The following AFG2A variants were observed in gnomAD, a reference collection of about 807,000 sequenced individuals.
AFG2A encodes ATPase family gene 2 protein homolog A.
the AFG2A span, among the ~76,000 whole-genome samples, chr4:123,124,592 CA>C: frequency 1.3e-5 from 2 of 152,048 alleles, no homozygotes; most frequent in African/African-American, 4.8e-5. Context: ...ACATGTGTAA[CA>C]AACCTGCACG....
the AFG2A span, among the ~76,000 whole-genome samples, chr4:122,995,141 T>G: frequency 6.6e-6 from 1 of 152,180 alleles, no homozygotes; most frequent in Non-Finnish European, 1.5e-5. Context: ...GTTTTTATTC[T>G]TTAAATACAG....
chr4:122,933,369 A>G, the AFG2A span: 2 of 1,199,324 alleles, frequency 1.7e-6, no homozygotes, highest in Admixed American at 2.0e-5. Flanking sequence ...ATATACATGT[A>G]ATTTTACATC....
At chr4:123,095,676 A>G in the AFG2A span, among the ~76,000 whole-genome samples, 1 of 148,404 alleles carries the variant, frequency 6.7e-6, no homozygotes, top group African/African-American at 2.5e-5. Flanking sequence ...ACGAAGAGTT[A>G]AAGTACATTT....
chr4:123,104,612 G>C, the AFG2A span, among the ~76,000 whole-genome samples: 1 of 152,194 alleles, frequency 6.6e-6, no homozygotes, highest in Non-Finnish European at 1.5e-5. Flanking sequence ...AAATGCTAAG[G>C]AAAAGTTCTT....
At chr4:123,172,249 A>T in the AFG2A span, among the ~76,000 whole-genome samples, 19 of 152,358 alleles carry the variant, frequency 1.2e-4, no homozygotes, top group East Asian at 2.5e-3. Context: ...GTGTGTCAGC[A>T]TTCATCCTAA....
At chr4:122,996,480 A>G in the AFG2A span, among the ~76,000 whole-genome samples, 3 of 152,088 alleles carry the variant, frequency 2.0e-5, no homozygotes, top group Non-Finnish European at 4.4e-5. Context: ...AAGAGAAACA[A>G]CCAATGGGAT....
At chr4:123,267,004 A>C in the AFG2A span, among the ~76,000 whole-genome samples, 1 of 152,018 alleles carries the variant, frequency 6.6e-6, no homozygotes, top group Non-Finnish European at 1.5e-5. Flanking sequence ...AATGCTGAGG[A>C]CAGTAGCACC....
At chr4:123,231,898 G>A in the AFG2A span, among the ~76,000 whole-genome samples, 1 of 151,926 alleles carries the variant, frequency 6.6e-6, no homozygotes, top group Non-Finnish European at 1.5e-5. Flanking sequence ...TGTCAGTTAA[G>A]TTTACCATCT....
the AFG2A span, among the ~76,000 whole-genome samples, chr4:122,942,437 T>C: frequency 1.3e-5 from 2 of 151,448 alleles, no homozygotes; most frequent in Non-Finnish European, 2.9e-5. Flanking sequence ...GTTTGTAGTA[T>C]TCTCTGATGG....
the AFG2A span, among the ~76,000 whole-genome samples, chr4:122,965,759 T>A: frequency 3.9e-5 from 6 of 152,332 alleles, no homozygotes; most frequent in Non-Finnish European, 8.8e-5. Flanking sequence ...TGTGTCCATT[T>A]GTTCTTCTAG....
At chr4:123,142,615 A>G in the AFG2A span, among the ~76,000 whole-genome samples, 3 of 151,942 alleles carry the variant, frequency 2.0e-5, no homozygotes, top group Non-Finnish European at 4.4e-5. Flanking sequence ...GTAATCTGTC[A>G]TAGACTTCAC....
the AFG2A span, among the ~76,000 whole-genome samples, chr4:123,270,731 G>C: frequency 1.3e-5 from 2 of 152,090 alleles, no homozygotes; most frequent in Non-Finnish European, 2.9e-5. Context: ...TTGAAACCTT[G>C]AGCAAGTGCC....
At chr4:123,003,462 G>C in the AFG2A span, among the ~76,000 whole-genome samples, 2 of 152,122 alleles carry the variant, frequency 1.3e-5, no homozygotes, top group African/African-American at 4.8e-5. Context: ...TTTGATGATG[G>C]TGATGTACAG....
the AFG2A span, chr4:122,923,344 C>T: frequency 6.2e-7 from 1 of 1,610,552 alleles, no homozygotes; most frequent in Non-Finnish European, 8.5e-7. Flanking sequence ...GCCGAGGGGG[C>T]GCAACCTGAG....
At chr4:123,095,030 C>CAAAAAAAAAAA in the AFG2A span, among the ~76,000 whole-genome samples, 43 of 35,310 alleles carry the variant, frequency 1.2e-3, 1 homozygote, top group South Asian at 3.6e-3. Context: ...TCCCTCCCCA[C>CAAAAAAAAAAA]AAAAAAAAAA....
the AFG2A span, chr4:122,935,837 T>A: frequency 6.2e-7 from 1 of 1,607,624 alleles, no homozygotes; most frequent in South Asian, 1.1e-5. Flanking sequence ...CCTGAAATTA[T>A]AAGCAAGTAA....
chr4:122,986,517 T>A, the AFG2A span, among the ~76,000 whole-genome samples: 4 of 152,196 alleles, frequency 2.6e-5, no homozygotes, highest in Non-Finnish European at 2.9e-5. Context: ...AAACATCATA[T>A]GTTCTCACTG....
chr4:122,966,514 C>G, the AFG2A span, among the ~76,000 whole-genome samples: 1 of 152,102 alleles, frequency 6.6e-6, no homozygotes, highest in Non-Finnish European at 1.5e-5. Context: ...TATGCTGTTC[C>G]CCCTGCTTGG....
chr4:123,040,899 T>A, the AFG2A span, among the ~76,000 whole-genome samples: 2 of 152,108 alleles, frequency 1.3e-5, no homozygotes, highest in South Asian at 2.1e-4. Context: ...TAAGTACCAA[T>A]GTACAAATAA....
Sources: allele counts gnomAD v4.1 joint callset (sites outside exome capture counted in the v4.1 genomes callset), GRCh38; gene constraint gnomAD v4.1.1; transcripts MANE v1.5; gene names NCBI Gene and HGNC (gene_info 2026-07-23, HGNC 2026-07-21).